The following GLIS3 variants were observed in gnomAD, a reference collection of about 807,000 sequenced individuals.
GLIS3 encodes zinc finger protein GLIS3.
In GLIS3, 53 loss-of-function variants were observed where a neutral mutation model predicts 78.6. The ratio of observed to expected loss-of-function variants is 0.67; its 90% CI spans 0.54 to 0.85. The LOEUF (loss-of-function observed/expected upper bound fraction) is 0.85, where lower values mean the gene tolerates loss of function less well. Among genes scored for constraint, GLIS3 ranks in the 40% least tolerant of loss-of-function variants. GLIS3 has a pLI of 0.00. For synonymous variants in GLIS3, 684 were observed against 509.9 expected, an observed-to-expected ratio of 1.34 and a Z score of -4.60; for missense variants, 1,703 against 1,231.1, an observed-to-expected ratio of 1.38 and a Z score of -5.74.
intron 8 of GLIS3, among the ~76,000 whole-genome samples, chr9:3,869,954 C>G (rs1820865824): frequency 6.6e-6 from 1 of 152,114 alleles, no homozygotes; most frequent in South Asian, 2.1e-4. Flanking sequence ...AAACTGAGCT[C>G]CAAAGGCTGG....
chr9:4,152,235 G>C (rs556771902), intron 2 of GLIS3: 23 of 428,412 alleles, frequency 5.4e-5, no homozygotes, highest in African/African-American at 4.9e-4. Flanking sequence ...AATCAGAAGT[G>C]ACTGGGAACC....
At chr9:3,961,573 C>G (rs1226325819) in intron 4 of GLIS3, among the ~76,000 whole-genome samples, 1 of 152,124 alleles carries the variant, frequency 6.6e-6, no homozygotes, top group Non-Finnish European at 1.5e-5. Flanking sequence ...TGCCAACATT[C>G]AATAGGAAGA....
the GLIS3 span, among the ~76,000 whole-genome samples, chr9:4,434,225 C>T: frequency 6.6e-6 from 1 of 152,088 alleles, no homozygotes; most frequent in African/African-American, 2.4e-5. Flanking sequence ...ATTTATTCCA[C>T]ATATGTTTTA....
intron 9 of GLIS3, among the ~76,000 whole-genome samples, chr9:3,840,610 C>T (rs568686685): frequency 6.6e-6 from 1 of 152,234 alleles, no homozygotes; most frequent in East Asian, 1.9e-4. Context: ...AAATAATAAC[C>T]CTGAAAATTC....
At chr9:3,908,714 T>TTTTTTG (rs1823907362) in intron 6 of GLIS3, among the ~76,000 whole-genome samples, 1 of 141,456 alleles carries the variant, frequency 7.1e-6, no homozygotes, top group African/African-American at 2.6e-5. Context: ...TTGTTTTTTT[T>TTTTTTG]TTTTTTTTTT....
chr9:4,102,192 GTC>G (rs1211290094), intron 4 of GLIS3, among the ~76,000 whole-genome samples: 3 of 152,074 alleles, frequency 2.0e-5, no homozygotes, highest in Admixed American at 2.0e-4. Flanking sequence ...AAACCCCAGG[GTC>G]AACTAAGTAC....
intron 2 of GLIS3, among the ~76,000 whole-genome samples, chr9:4,328,586 C>A (rs143146958): frequency 6.6e-6 from 1 of 152,224 alleles, no homozygotes; most frequent in Non-Finnish European, 1.5e-5. Context: ...AGATAAAGCT[C>A]CTGACTTCTG....
intron 2 of GLIS3, among the ~76,000 whole-genome samples, chr9:4,169,750 G>A (rs1398627289): frequency 6.6e-6 from 1 of 152,120 alleles, no homozygotes; most frequent in Non-Finnish European, 1.5e-5. Context: ...ACACAGGGAG[G>A]GGATGATGAA....
At chr9:4,164,197 T>C (rs987698658) in intron 2 of GLIS3, among the ~76,000 whole-genome samples, 11 of 152,212 alleles carry the variant, frequency 7.2e-5, no homozygotes, top group African/African-American at 2.7e-4. Context: ...ATCCTGACTC[T>C]GACAAATCCT....
intron 4 of GLIS3, among the ~76,000 whole-genome samples, chr9:4,021,036 C>G (rs539376560): frequency 1.3e-5 from 2 of 152,332 alleles, no homozygotes; most frequent in South Asian, 4.1e-4. Flanking sequence ...CTAACAGGAA[C>G]TGAGCATCTG....
intron 4 of GLIS3, among the ~76,000 whole-genome samples, chr9:4,095,256 T>A (rs1829850307): frequency 6.6e-6 from 1 of 152,182 alleles, no homozygotes; most frequent in Non-Finnish European, 1.5e-5. Flanking sequence ...TTTCTACTTC[T>A]GGACATAAAT....
intron 4 of GLIS3, among the ~76,000 whole-genome samples, chr9:3,974,340 C>T (rs970172221): frequency 6.6e-6 from 1 of 152,148 alleles, no homozygotes; most frequent in Admixed American, 6.6e-5. Flanking sequence ...TACAGAGCCT[C>T]CCTCGAATGC....
the GLIS3 span, among the ~76,000 whole-genome samples, chr9:4,382,118 G>A: frequency 6.6e-6 from 1 of 152,198 alleles, no homozygotes; most frequent in Admixed American, 6.5e-5. Context: ...TTGCTTATCT[G>A]TTCCAATGCC....
chr9:4,402,283 A>C, the GLIS3 span, among the ~76,000 whole-genome samples: 1 of 152,232 alleles, frequency 6.6e-6, no homozygotes, highest in Admixed American at 6.5e-5. Context: ...ACAAATATGC[A>C]AAAACCACAG....
chr9:4,326,007 G>C (rs1193457268), intron 2 of GLIS3, among the ~76,000 whole-genome samples: 1 of 152,126 alleles, frequency 6.6e-6, no homozygotes, highest in Non-Finnish European at 1.5e-5. Flanking sequence ...ATGATGATGA[G>C]AACACAAGTA....
intron 2 of GLIS3, among the ~76,000 whole-genome samples, chr9:4,213,617 A>C (rs1332112584): frequency 6.6e-6 from 1 of 152,238 alleles, no homozygotes; most frequent in South Asian, 2.1e-4. Flanking sequence ...AGAGACTACC[A>C]TATTGAACAG....
chr9:4,307,244 T>A (rs1817249694), intron 4 of GLIS3, among the ~76,000 whole-genome samples: 1 of 152,190 alleles, frequency 6.6e-6, no homozygotes, highest in Non-Finnish European at 1.5e-5. Flanking sequence ...TAACACTCTA[T>A]TGCCTCCATA....
At chr9:4,047,317 C>G (rs956534371) in intron 4 of GLIS3, among the ~76,000 whole-genome samples, 3 of 152,118 alleles carry the variant, frequency 2.0e-5, no homozygotes, top group African/African-American at 7.2e-5. Flanking sequence ...AAACCTCTTT[C>G]CTTTATAAAT....
At chr9:4,272,437 C>T (rs1268887001) in intron 2 of GLIS3, among the ~76,000 whole-genome samples, 1 of 152,126 alleles carries the variant, frequency 6.6e-6, no homozygotes, top group African/African-American at 2.4e-5. Flanking sequence ...ATTTAGGGCT[C>T]TGAAGTCAGC....
Sources: gnomAD v4.1 joint callset for allele counts (sites outside exome capture counted in the v4.1 genomes callset) on GRCh38, gnomAD v4.1.1 for gene constraint, MANE v1.5 for transcripts, NCBI Gene and HGNC (gene_info 2026-07-23, HGNC 2026-07-21) for gene names.